The following HOXC10 variants were observed in gnomAD, a reference collection of about 807,000 sequenced individuals.
HOXC10 encodes homeobox C10.
In HOXC10, 15 loss-of-function variants were observed where a neutral mutation model predicts 26.0. The observed-to-expected ratio is 0.58, with a 90% CI of 0.39 to 0.89. HOXC10 has a LOEUF of 0.89. HOXC10 is among the 40% of genes least tolerant of loss of function. The pLI is 0.00. For missense variants in HOXC10, 446 were observed against 451.9 expected, an observed-to-expected ratio of 0.99 and a Z score of 0.12; for synonymous variants, 196 against 185.5, an observed-to-expected ratio of 1.06 and a Z score of -0.46.
Position 53,985,845 on chromosome 12 carries a change from G to T in HOXC10, c.586G>T (p.Val196Leu), listed in dbSNP as rs1171714187. The T allele has an allele frequency of 6.2e-7, 1 of 1,613,734 alleles. No homozygotes were observed. Among genetic ancestry groups the T allele is most frequent in the Non-Finnish European group, 8.5e-7 (1 of 1,180,042 alleles). ...HLESPQLGGK[V>L]SFPETPKSDS... ...GGAATCGCCTCAGCTGGGGGGCAAA[G>T]TGAGTTTCCCTGAGACCCCCAAGTC... The change falls in exon 1 of 2, where the codon GTG (valine) becomes TTG (leucine). Residue 196 changes from valine to leucine, a missense_variant. Coordinates refer to ENST00000303460, the MANE Select transcript of HOXC10 (RefSeq NM_017409.4).
intron 1 of HOXC10, among the ~76,000 whole-genome samples, chr12:53,988,687 G>A (rs1939473014): frequency 6.6e-6 from 1 of 152,232 alleles, no homozygotes; most frequent in East Asian, 1.9e-4. Flanking sequence ...CACAGATCCT[G>A]GAACAAAGTC....
chr12:53,985,924 G>A lies in HOXC10; in HGVS notation c.665G>A (p.Gly222Asp). 6.2e-7 allele frequency: 1 copy of A among 1,613,546 alleles called. No individual in the cohort carries two copies. The highest frequency in any genetic ancestry group is 8.5e-7 in the Non-Finnish European group (1 of 1,179,860). The change falls in exon 1 of 2, where the codon GGC becomes GAC. Residue 222 changes from glycine to aspartate, a missense_variant. Coordinates refer to ENST00000303460, the MANE Select transcript of HOXC10 (RefSeq NM_017409.4). The stretch of plus-strand genomic sequence containing the variant: ...ATCAAGACGGAGCAGAGCCTGGCGG[G>A]CCCTAAAGGGAGCCCCTCGGAGAGC... ...NEIKTEQSLA[G>D]PKGSPSESEK...
rs1939489492 is a variant in HOXC10 at position 53,989,747 on chromosome 12, A to G, written c.*301A>G. ...ACTCACCCACGCACTCACACACAGC[A>G]TTCTGTTCTCCATGCAAAGTTAAGA... On this transcript the variant is annotated 3_prime_UTR_variant, in exon 2 of 2. Coordinates refer to ENST00000303460, the MANE Select transcript of HOXC10 (RefSeq NM_017409.4). The G allele has an allele frequency of 2.7e-6, 1 of 368,706 alleles. No individual in the cohort carries two copies. Among genetic ancestry groups the G allele is most frequent in the Admixed American group, 4.4e-5 (1 of 22,948 alleles). 22.8% of individuals were successfully genotyped at this position (368,706 alleles called of 1,614,324 possible).
chr12:53,989,248 A>C lies in HOXC10; in HGVS notation c.831A>C (p.Lys277Asn), dbSNP rs758225946. Residue 277 changes from lysine to asparagine, a missense_variant, in exon 2 of 2, where the codon AAA (lysine) becomes AAC (asparagine). Coordinates refer to ENST00000303460, the MANE Select transcript of HOXC10 (RefSeq NM_017409.4). Reference protein sequence around the residue: ...SGRKKRCPYTKHQTLELEKEF... With the variant: ...SGRKKRCPYTNHQTLELEKEF... Reference sequence around the variant, plus strand: ...GGAAGAAGAGGTGCCCCTATACTAAACACCAGACGCTGGAATTGGAGAAAG... The same window carrying C: ...GGAAGAAGAGGTGCCCCTATACTAACCACCAGACGCTGGAATTGGAGAAAG... 3 of 1,614,120 alleles carry C rather than the reference A, an allele frequency of 1.9e-6. No individual in the cohort carries two copies. The highest frequency in any genetic ancestry group is 2.5e-6 in the Non-Finnish European group (3 of 1,179,968).
intron 1 of HOXC10, among the ~76,000 whole-genome samples, chr12:53,987,186 T>C (rs927224218): frequency 1.3e-5 from 2 of 152,210 alleles, no homozygotes; most frequent in Non-Finnish European, 2.9e-5. Flanking sequence ...CTGGATCTCC[T>C]GGTGCTTTGT....
In HOXC10 at chr12:53,985,436, C is replaced by T. The variant is rs774281479; in HGVS notation, c.177C>T (p.Gly59=). 6.2e-7 allele frequency: 1 copy of T among 1,612,044 alleles called. No individual in the cohort carries two copies. The highest frequency in any genetic ancestry group is 1.1e-5 in the South Asian group (1 of 90,998). The change falls in exon 1 of 2, where the codon GGC becomes GGT. Residue 59 remains glycine (G), a synonymous_variant. Coordinates refer to ENST00000303460, the MANE Select transcript of HOXC10 (RefSeq NM_017409.4). ...LAPSLSKRDE[G]SSPSLALNTY... ...CCTCGCTCTCCAAGAGGGACGAGGG[C>T]AGCAGCCCCAGCCTCGCCCTCAACA...
intron 1 of HOXC10, 180 bp downstream of exon 1, chr12:53,986,190 G>A (rs983988057): frequency 2.9e-6 from 2 of 697,664 alleles, no homozygotes; most frequent in African/African-American, 3.6e-5. Flanking sequence ...CTTAGCTGGG[G>A]AAGGTAAGCG....
In HOXC10 at chr12:53,985,152, C is replaced by G; in HGVS notation, c.-108C>G. 64 of 328,082 alleles carry G rather than the reference C, an allele frequency of 2.0e-4. No homozygotes were observed. Among genetic ancestry groups the G allele is most frequent in the East Asian group, 2.9e-4 (4 of 13,872 alleles). The allele number at this position is 328,082 out of a possible 1,614,324, so 20.3% of individuals were successfully genotyped here. ...AGCTGATATTTCCCCCCCTCCCCTT[C>G]TTTTTCCTCCCTCCCCTCCAACCGC... On this transcript the variant is annotated 5_prime_UTR_variant, in exon 1 of 2. Coordinates refer to ENST00000303460, the MANE Select transcript of HOXC10 (RefSeq NM_017409.4).
Position 53,985,932 on chromosome 12 carries a change from G to A in HOXC10, c.673G>A (p.Gly225Arg), listed in dbSNP as rs752163972. 6.2e-7 allele frequency: 1 copy of A among 1,613,438 alleles called. No individual in the cohort carries two copies. The highest frequency in any genetic ancestry group is 2.2e-5 in the East Asian group (1 of 44,874). The stretch of plus-strand genomic sequence containing the variant: ...GGAGCAGAGCCTGGCGGGCCCTAAA[G>A]GGAGCCCCTCGGAGAGCGAAAAGGA... ...KTEQSLAGPK[G>R]SPSESEKERA... is the part of the protein sequence containing the mutation. The change falls in exon 1 of 2, where the codon GGG (glycine) becomes AGG (arginine). Residue 225 changes from glycine to arginine, a missense_variant. Coordinates refer to ENST00000303460, the MANE Select transcript of HOXC10 (RefSeq NM_017409.4).
At position 53,986,174 on chromosome 12, in the gene HOXC10, G is replaced by A. The variant is rs536697355; in HGVS notation, c.751+164G>A. The A allele has an allele frequency of 2.8e-5, 21 of 753,128 alleles. No homozygotes were observed. The African/African-American group carries it at 3.4e-4, about 12-fold the overall frequency. The allele number at this position is 753,128 out of a possible 1,614,324, so 46.7% of individuals were successfully genotyped here. A position where few individuals can be genotyped will look rare whatever the true frequency, so the allele number is the denominator to read the frequency against. On this transcript the variant is annotated intron_variant, in intron 1 of 1. Transcript: ENST00000303460. ...GTCCGCTGAGCTCCAGGCTGGTGGC[G>A]CGTCACTTAGCTGGGGAAGGTAAGC...
chr12:53,985,300 A>G lies in HOXC10; in HGVS notation c.41A>G (p.Glu14Gly). 5 of 1,587,078 alleles carry G rather than the reference A, an allele frequency of 3.2e-6. No individual in the cohort carries two copies. Among genetic ancestry groups the G allele is most frequent in the Non-Finnish European group, 4.3e-6 (5 of 1,167,846 alleles). ...PRNVTPNSYA[E>G]PLAAPGGGER... ...AATGTAACTCCGAACTCGTACGCGG[A>G]GCCCTTGGCTGCGCCCGGCGGAGGA... is the stretch of plus-strand genomic sequence containing the variant. Residue 14 changes from glutamate to glycine, a missense_variant, in exon 1 of 2, where the codon GAG (glutamate) becomes GGG (glycine). By Grantham distance (98) the Glu-to-Gly change is moderately conservative (BLOSUM62 -2). Coordinates refer to ENST00000303460, the MANE Select transcript of HOXC10 (RefSeq NM_017409.4).
In HOXC10 at chr12:53,989,448, A is replaced by AGC. The variant is rs1408734559; in HGVS notation, c.*6_*7dup. Reference sequence around the variant, plus strand: ...ACCTCCAATTTTAATTTCACCTGAGAGCGCGGCCTCTCCTCCTCCCTTCCC... The same window carrying AGC: ...ACCTCCAATTTTAATTTCACCTGAGAGCGCGCGGCCTCTCCTCCTCCCTTCCC... On this transcript the variant is annotated 3_prime_UTR_variant, in exon 2 of 2. Transcript: ENST00000303460. 1 of 1,610,164 alleles carries AGC rather than the reference A, an allele frequency of 6.2e-7. No homozygotes were observed.
At chr12:53,986,938 T>C (rs74089851) in intron 1 of HOXC10, among the ~76,000 whole-genome samples, 1,907 of 152,208 alleles carry the variant, frequency 0.013, 46 homozygotes, top group African/African-American at 0.044. Context: ...GCTGGGGGCC[T>C]TCGGGATCTT....
At position 53,985,330 on chromosome 12, in the gene HOXC10, G is replaced by T. The variant is rs375878835; in HGVS notation, c.71G>T (p.Arg24Leu). ...EPLAAPGGGE[R>L]YSRSAGMYMQ... The stretch of plus-strand genomic sequence containing the variant: ...TTGGCTGCGCCCGGCGGAGGAGAGC[G>T]CTATAGCCGGAGCGCAGGCATGTAT... Residue 24 changes from arginine (R) to leucine (L), a missense_variant, in exon 1 of 2, where the codon CGC becomes CTC. Coordinates refer to ENST00000303460, the MANE Select transcript of HOXC10 (RefSeq NM_017409.4). 3 of 1,611,810 alleles carry T rather than the reference G, an allele frequency of 1.9e-6. No homozygotes were observed. In the South Asian group the frequency reaches 3.3e-5, roughly 18 times the overall value.
In HOXC10 at chr12:53,985,364, T is replaced by C; in HGVS notation, c.105T>C (p.Ser35=). The part of the protein sequence containing the change: ...YSRSAGMYMQ[S]GSDFNCGVMR... Reference sequence around the variant, plus strand: ...GGAGCGCAGGCATGTATATGCAGTCTGGGAGTGACTTCAATTGCGGGGTGA... The same window carrying C: ...GGAGCGCAGGCATGTATATGCAGTCCGGGAGTGACTTCAATTGCGGGGTGA... Residue 35 remains serine (S), a synonymous_variant, in exon 1 of 2, where the codon TCT becomes TCC. Coordinates refer to ENST00000303460, the MANE Select transcript of HOXC10 (RefSeq NM_017409.4). The C allele has an allele frequency of 6.2e-7, 1 of 1,614,078 alleles. No individual in the cohort carries two copies. The highest frequency in any genetic ancestry group is 8.5e-7 in the Non-Finnish European group (1 of 1,180,024).
Position 53,985,534 on chromosome 12 carries a change from T to A in HOXC10, c.275T>A (p.Val92Asp). The part of the protein sequence containing the change: ...PKAAYRLEQP[V>D]GRPLSSCSYP... ...GCCGCCTATCGCCTGGAACAACCTGTTGGCAGGCCGCTGTCCTCCTGCTCC... is the reference window on the plus strand; with the variant it reads ...GCCGCCTATCGCCTGGAACAACCTGATGGCAGGCCGCTGTCCTCCTGCTCC... Residue 92 changes from valine (V) to aspartate (D), a missense_variant, in exon 1 of 2, where the codon GTT becomes GAT. Physicochemically the swap from Val to Asp is radical, Grantham distance 152. Coordinates refer to ENST00000303460, the MANE Select transcript of HOXC10 (RefSeq NM_017409.4). The A allele has an allele frequency of 6.2e-7, 1 of 1,613,892 alleles. No individual in the cohort carries two copies. Among genetic ancestry groups the A allele is most frequent in the Non-Finnish European group, 8.5e-7 (1 of 1,180,026 alleles).
Position 53,989,596 on chromosome 12 carries a change from C to A in HOXC10, c.*150C>A. 2.6e-6 allele frequency: 2 copies of A among 758,838 alleles called. No homozygotes were observed. The highest frequency in any genetic ancestry group is 2.9e-5 in the Admixed American group (1 of 33,980). The allele number at this position is 758,838 out of a possible 1,614,324, so 47.0% of individuals were successfully genotyped here. ...GACCTCAGACTCTCCTTCCAAGGGA[C>A]CTGTGGTTCGTGCTGCGAAGATGCT... On this transcript the variant is annotated 3_prime_UTR_variant, in exon 2 of 2. Coordinates refer to ENST00000303460, the MANE Select transcript of HOXC10 (RefSeq NM_017409.4).
At position 53,989,795 on chromosome 12, in the gene HOXC10, G is replaced by A. The variant is rs527624546; in HGVS notation, c.*349G>A. ...AGATCGAATCCATCCGCTTGTAGGG[G>A]AAAAAAAGGAAAAAAATTAACCAGA... On this transcript the variant is annotated 3_prime_UTR_variant, in exon 2 of 2. Transcript: ENST00000303460. 300 of 229,122 alleles carry A rather than the reference G, an allele frequency of 1.3e-3. 3 individuals are homozygous for A. Among genetic ancestry groups the A allele is most frequent in the African/African-American group, 6.6e-3 (291 of 44,000 alleles). 14.2% of individuals were successfully genotyped at this position (229,122 alleles called of 1,614,324 possible).
In HOXC10 at chr12:53,985,629, C is replaced by A; in HGVS notation, c.370C>A (p.Pro124Thr). Reference protein sequence around the residue: ...YSAEKRAKSGPEAALYSHPLP... With the variant: ...YSAEKRAKSGTEAALYSHPLP... Reference sequence around the variant, plus strand: ...CGCAGAGAAGCGGGCGAAAAGTGGCCCCGAGGCAGCTCTCTACTCCCACCC... The same window carrying A: ...CGCAGAGAAGCGGGCGAAAAGTGGCACCGAGGCAGCTCTCTACTCCCACCC... Residue 124 changes from proline (P) to threonine (T), a missense_variant, in exon 1 of 2, where the codon CCC becomes ACC. By Grantham distance (38) the Pro-to-Thr change is conservative. Coordinates refer to ENST00000303460, the MANE Select transcript of HOXC10 (RefSeq NM_017409.4). 2 of 1,613,814 alleles carry A rather than the reference C, an allele frequency of 1.2e-6. No individual in the cohort carries two copies. The highest frequency in any genetic ancestry group is 2.2e-5 in the East Asian group (1 of 44,884).
Sources: allele counts gnomAD v4.1 joint callset (sites outside exome capture counted in the v4.1 genomes callset), GRCh38; gene constraint gnomAD v4.1.1; transcripts MANE v1.5; gene names NCBI Gene and HGNC (gene_info 2026-07-23, HGNC 2026-07-21).